NCAM2: variants seen among roughly 807,000 people sequenced by gnomAD.
NCAM2 encodes the protein N-CAM-2.
Under a neutral mutation model 98.1 loss-of-function variants are expected in NCAM2, and 30 were observed. That is an observed-to-expected ratio of 0.31 (90% CI 0.23 to 0.41). The LOEUF is 0.41. Ranked by LOEUF, NCAM2 falls within the 10% of genes least tolerant of loss-of-function variation. The pLI is 1.00. For missense variants in NCAM2, 867 were observed against 1,005.8 expected (o/e 0.86, Z 1.87); for synonymous variants, 368 against 342.4 (o/e 1.07, Z -0.83).
chr21:21,019,029 C>T (rs915526317), intron 1 of NCAM2, among the ~76,000 whole-genome samples: 1 of 152,156 alleles, frequency 6.6e-6, no homozygotes. Context: ...AAATGGATTC[C>T]TGCCAGCACA....
chr21:21,034,356 T>C (rs982874659), intron 1 of NCAM2, among the ~76,000 whole-genome samples: 1 of 152,204 alleles, frequency 6.6e-6, no homozygotes, highest in African/African-American at 2.4e-5. Context: ...CTAGAAACTC[T>C]GAAGCATCTT....
At chr21:21,250,141 C>A (rs987465508) in intron 1 of NCAM2, among the ~76,000 whole-genome samples, 1 of 152,160 alleles carries the variant, frequency 6.6e-6, no homozygotes, top group Non-Finnish European at 1.5e-5. Flanking sequence ...TAAGGCATTT[C>A]TAGTGGGAAT....
intron 15 of NCAM2, among the ~76,000 whole-genome samples, chr21:21,503,168 T>A (rs899188088): frequency 6.6e-6 from 1 of 151,942 alleles, no homozygotes; most frequent in Non-Finnish European, 1.5e-5. Context: ...CCTGAAACCT[T>A]TGATCGTACT....
chr21:21,056,135 A>T (rs1407449785), intron 1 of NCAM2, among the ~76,000 whole-genome samples: 2 of 152,082 alleles, frequency 1.3e-5, no homozygotes, highest in Non-Finnish European at 2.9e-5. Context: ...TTGGAGGAAA[A>T]AAAGCCTGTG....
rs146208795 is a variant in NCAM2, at chr21:21,011,602, C to G, written c.55+12984C>G. Among the ~76,000 whole-genome samples the G allele has an allele frequency of 2.5e-3, 384 of 152,154 alleles. 10 individuals carry two copies. The East Asian group carries it at 0.059, about 23-fold the overall frequency. ...TGTTAGAACATCTAAGATCTAGTCT[C>G]TTAGCAATGTCCAGGTATACAATAC... On this transcript the variant is annotated intron_variant, in intron 1 of 17. Coordinates refer to ENST00000400546, the MANE Select transcript of NCAM2 (RefSeq NM_004540.5).
intron 1 of NCAM2, among the ~76,000 whole-genome samples, chr21:21,164,237 A>T (rs559461047): frequency 2.6e-5 from 4 of 152,314 alleles, no homozygotes; most frequent in East Asian, 1.9e-4. Flanking sequence ...TCTTGCTATG[A>T]TGGAATTTTC....
intron 1 of NCAM2, among the ~76,000 whole-genome samples, chr21:21,190,540 C>T (rs558140043): frequency 5.9e-5 from 9 of 152,262 alleles, no homozygotes; most frequent in Admixed American, 2.0e-4. Flanking sequence ...TATTTATTAC[C>T]GCTGGTGCTA....
chr21:21,374,894 A>C (rs774057070), intron 9 of NCAM2, among the ~76,000 whole-genome samples: 11 of 151,838 alleles, frequency 7.2e-5, no homozygotes, highest in Non-Finnish European at 1.5e-4. Context: ...TCAAAAAGAA[A>C]ATATTTTCTC....
At chr21:21,136,027 G>T (rs1373957344) in intron 1 of NCAM2, among the ~76,000 whole-genome samples, 6 of 136,456 alleles carry the variant, frequency 4.4e-5, no homozygotes, top group Non-Finnish European at 6.3e-5. Flanking sequence ...AAACAATTTT[G>T]AAGGCTTAGT....
At chr21:21,021,515 A>G (rs2064435495) in intron 1 of NCAM2, among the ~76,000 whole-genome samples, 1 of 152,214 alleles carries the variant, frequency 6.6e-6, no homozygotes, top group African/African-American at 2.4e-5. Flanking sequence ...TGAAATAGAA[A>G]CAAACAGTAG....
At chr21:21,073,226 G>A (rs2065609712) in intron 1 of NCAM2, among the ~76,000 whole-genome samples, 1 of 151,878 alleles carries the variant, frequency 6.6e-6, no homozygotes, top group Non-Finnish European at 1.5e-5. Context: ...ATCTATTGAT[G>A]GACACACTTA....
intron 1 of NCAM2, among the ~76,000 whole-genome samples, chr21:21,216,629 G>T (rs562025919): frequency 1.3e-5 from 2 of 152,270 alleles, no homozygotes; most frequent in East Asian, 3.9e-4. Flanking sequence ...CCTTAGCCAG[G>T]GGCTGAACCA....
At chr21:21,288,557 T>G (rs980835320) in intron 4 of NCAM2, among the ~76,000 whole-genome samples, 3 of 151,880 alleles carry the variant, frequency 2.0e-5, no homozygotes, top group Admixed American at 6.6e-5. Flanking sequence ...GAATTTAAAG[T>G]ATTCAAGTAA....
intron 15 of NCAM2, among the ~76,000 whole-genome samples, chr21:21,496,907 G>A (rs1261674945): frequency 6.6e-6 from 1 of 151,978 alleles, no homozygotes; most frequent in Non-Finnish European, 1.5e-5. Context: ...TGAGGTGGTT[G>A]TAGGTGTGTG....
intron 1 of NCAM2, among the ~76,000 whole-genome samples, chr21:21,204,346 T>C (rs1255141881): frequency 6.6e-6 from 1 of 152,010 alleles, no homozygotes. Flanking sequence ...TATGTGGTCA[T>C]ATTTTATTTT....
intron 12 of NCAM2, among the ~76,000 whole-genome samples, chr21:21,459,841 TTAA>T (rs953324550): frequency 7.9e-5 from 12 of 151,920 alleles, no homozygotes; most frequent in Non-Finnish European, 1.5e-4. Context: ...TAATGCCATA[TTAA>T]TGATACATAT....
rs530857374 is a variant in NCAM2, at chr21:21,252,439, A to G, written c.56-28139A>G. Among the ~76,000 whole-genome samples, 223 of 151,124 alleles carry G rather than the reference A, an allele frequency of 1.5e-3. 1 individual carries two copies. Among genetic ancestry groups the G allele is most frequent in the African/African-American group, 5.2e-3 (216 of 41,354 alleles). ...AAAATATAATCAATTATTATAACCC[A>G]TATAATATATACGATATAATCTAAT... On this transcript the variant is annotated intron_variant, in intron 1 of 17. Transcript: ENST00000400546.
Position 21,107,108 on chromosome 21 carries a change from G to A in NCAM2, c.55+108490G>A, listed in dbSNP as rs568585323. On this transcript the variant is annotated intron_variant, in intron 1 of 17. Coordinates refer to ENST00000400546, the MANE Select transcript of NCAM2 (RefSeq NM_004540.5). ...AGTCCATCTCGTTTAGGGTTTATTG[G>A]AGTTCTTAAAACGTCTGGTAATAAC... Among the ~76,000 whole-genome samples the A allele has an allele frequency of 5.9e-5, 9 of 152,102 alleles. No individual in the cohort carries two copies. The South Asian group carries it at 1.7e-3, about 28-fold the overall frequency.
At chr21:21,106,323 A>AAAAAG (rs2066347828) in intron 1 of NCAM2, among the ~76,000 whole-genome samples, 1 of 151,094 alleles carries the variant, frequency 6.6e-6, no homozygotes, top group African/African-American at 2.4e-5. Flanking sequence ...GCAAAAAAAA[A>AAAAAG]AAAAAAGGAA....
Sources: gnomAD v4.1 joint callset for allele counts (sites outside exome capture counted in the v4.1 genomes callset) on GRCh38, gnomAD v4.1.1 for gene constraint, MANE v1.5 for transcripts, NCBI Gene and HGNC (gene_info 2026-07-23, HGNC 2026-07-21) for gene names.